The following VAT1L variants were observed in gnomAD, a reference collection of about 807,000 sequenced individuals.
VAT1L encodes vesicle amine transport 1 like.
A neutral mutation model predicts 44.1 loss-of-function variants in VAT1L; 34 were observed. The observed-to-expected ratio is 0.77, with a 90% CI of 0.59 to 1.03. The LOEUF (loss-of-function observed/expected upper bound fraction) is 1.03. Among genes scored for constraint, VAT1L ranks in the 50% least tolerant of loss-of-function variants. The pLI, the probability that VAT1L is intolerant of heterozygous loss-of-function variation, is 0.00. For synonymous variants in VAT1L, 253 were observed against 202.2 expected, an observed-to-expected ratio of 1.25 and a Z score of -2.13; for missense variants, 615 against 538.8, an observed-to-expected ratio of 1.14 and a Z score of -1.40.
chr16:77,819,721 C>A (rs1269006742), intron 2 of VAT1L, among the ~76,000 whole-genome samples: 6 of 152,210 alleles, frequency 3.9e-5, no homozygotes. Context: ...TTGGTCTTCA[C>A]CCCTTCCGGG....
chr16:77,796,973 G>A (rs557751237), intron 1 of VAT1L, among the ~76,000 whole-genome samples: 1 of 152,222 alleles, frequency 6.6e-6, no homozygotes, highest in East Asian at 1.9e-4. Context: ...GGCTCTAAAA[G>A]GTGTGAGGGT....
chr16:77,803,212 A>C (rs1423874519), intron 1 of VAT1L, among the ~76,000 whole-genome samples: 1 of 152,120 alleles, frequency 6.6e-6, no homozygotes, highest in Non-Finnish European at 1.5e-5. Context: ...ATTAGACTTA[A>C]ATATTACCTA....
intron 1 of VAT1L, among the ~76,000 whole-genome samples, chr16:77,803,417 C>CTTTTTTTTTTTTTTTTTTTTTTTTTTTTT: frequency 9.5e-6 from 1 of 105,534 alleles, no homozygotes; most frequent in African/African-American, 3.7e-5. Flanking sequence ...ACTAGACATT[C>CTTTTTTTTTTTTTTTTTTTTTTTTTTTTT]TTTTTTTTTT....
intron 3 of VAT1L, among the ~76,000 whole-genome samples, chr16:77,831,907 C>T (rs62044477): frequency 1.7e-4 from 26 of 151,838 alleles, no homozygotes; most frequent in Non-Finnish European, 2.9e-4. Context: ...CTTCTGCCTC[C>T]CGGCTTCAAT....
chr16:77,891,933 A>T (rs1406855181), intron 7 of VAT1L, among the ~76,000 whole-genome samples: 1 of 152,118 alleles, frequency 6.6e-6, no homozygotes, highest in East Asian at 1.9e-4. Context: ...TTAGCCCGGC[A>T]TGGTGGCACA....
intron 7 of VAT1L, among the ~76,000 whole-genome samples, chr16:77,930,788 T>C (rs1337794777): frequency 6.6e-6 from 1 of 152,106 alleles, no homozygotes; most frequent in Non-Finnish European, 1.5e-5. Flanking sequence ...AGAACACTGT[T>C]CTCTCTCCTA....
chr16:77,907,818 A>G (rs1028438695), intron 7 of VAT1L, among the ~76,000 whole-genome samples: 4 of 152,206 alleles, frequency 2.6e-5, no homozygotes, highest in Admixed American at 6.5e-5. Flanking sequence ...GTTGTGGTCT[A>G]TCAAAAGCAA....
intron 7 of VAT1L, among the ~76,000 whole-genome samples, chr16:77,925,912 A>G (rs998853380): frequency 2.0e-5 from 3 of 152,116 alleles, no homozygotes; most frequent in African/African-American, 7.2e-5. Flanking sequence ...TGGGTCCTTG[A>G]GTGATCAATG....
In VAT1L at chr16:77,945,278, C is replaced by CTTTTTTTTTTTTTTTTT. The variant is rs56055464; in HGVS notation, c.1078-26556_1078-26555insTTTTTTTTTTTTTTTTT. Among the ~76,000 whole-genome samples the CTTTTTTTTTTTTTTTTT allele has an allele frequency of 1.9e-4, 16 of 83,062 alleles. 1 individual carries two copies. The highest frequency in any genetic ancestry group is 1.0e-3 in the South Asian group (2 of 1,908). The allele number at this position is 83,062 out of a possible 152,430, so 54.5% of individuals were successfully genotyped here. On this transcript the variant is annotated intron_variant, in intron 7 of 8. Transcript: ENST00000302536. ...GAATGGCCAATTCCAGATTGCAGAACTTTTTTTTTTTTTTTTGAGAGAGAG... is the reference window on the plus strand; with the variant it reads ...GAATGGCCAATTCCAGATTGCAGAACTTTTTTTTTTTTTTTTTTTTTTTTTTTTTTTTTGAGAGAGAG...
intron 7 of VAT1L, among the ~76,000 whole-genome samples, chr16:77,912,716 G>C (rs1222568749): frequency 6.6e-6 from 1 of 152,124 alleles, no homozygotes; most frequent in Non-Finnish European, 1.5e-5. Flanking sequence ...TATTGCCTTA[G>C]TCTGCTCAAG....
At chr16:77,880,571 T>C (rs1244891116) in intron 6 of VAT1L, among the ~76,000 whole-genome samples, 1 of 149,942 alleles carries the variant, frequency 6.7e-6, no homozygotes, top group Non-Finnish European at 1.5e-5. Flanking sequence ...CTTTTTTTTT[T>C]TCTTCGCACG....
chr16:77,932,878 G>A (rs397225), intron 7 of VAT1L, among the ~76,000 whole-genome samples: 567 of 152,302 alleles, frequency 3.7e-3, no homozygotes, highest in Admixed American at 6.1e-3. Flanking sequence ...GAGATAGCTC[G>A]CAGGAGAATG....
At chr16:77,946,123 T>G (rs1223484855) in intron 7 of VAT1L, among the ~76,000 whole-genome samples, 1 of 151,518 alleles carries the variant, frequency 6.6e-6, no homozygotes, top group Non-Finnish European at 1.5e-5. Flanking sequence ...TTTTAGACAT[T>G]ATCACATTGT....
chr16:77,843,148 G>C (rs996700303), intron 3 of VAT1L, among the ~76,000 whole-genome samples: 1 of 152,242 alleles, frequency 6.6e-6, no homozygotes, highest in Non-Finnish European at 1.5e-5. Context: ...TGAGAAAGGG[G>C]ACAGCAGGTA....
At chr16:77,812,396 A>G (rs1029654378) in intron 1 of VAT1L, among the ~76,000 whole-genome samples, 2 of 152,012 alleles carry the variant, frequency 1.3e-5, no homozygotes, top group African/African-American at 4.8e-5. Flanking sequence ...AAAACTCTTG[A>G]TTTTAGTAAC....
intron 5 of VAT1L, among the ~76,000 whole-genome samples, chr16:77,878,765 G>T (rs748677234): frequency 5.3e-5 from 8 of 152,224 alleles, no homozygotes; most frequent in Non-Finnish European, 1.2e-4. Flanking sequence ...CCAGGTCAGA[G>T]CCCCAAGCCC....
intron 7 of VAT1L, among the ~76,000 whole-genome samples, chr16:77,920,664 C>T (rs1262649871): frequency 3.3e-5 from 5 of 152,086 alleles, no homozygotes; most frequent in Admixed American, 1.3e-4. Flanking sequence ...AATTCTAATA[C>T]CATATTTTTA....
intron 8 of VAT1L, among the ~76,000 whole-genome samples, chr16:77,977,049 T>G (rs149831718): frequency 5.7e-4 from 87 of 152,302 alleles, no homozygotes; most frequent in African/African-American, 2.0e-3. Flanking sequence ...TCGGGTCCCC[T>G]GCGCTCCAGG....
At chr16:77,807,975 T>TA (rs1483007206) in intron 1 of VAT1L, among the ~76,000 whole-genome samples, 1 of 152,042 alleles carries the variant, frequency 6.6e-6, no homozygotes, top group Non-Finnish European at 1.5e-5. Context: ...TATTGTACAT[T>TA]AGCATGTGCC....
Sources: allele counts gnomAD v4.1 joint callset (sites outside exome capture counted in the v4.1 genomes callset), GRCh38; gene constraint gnomAD v4.1.1; transcripts MANE v1.5; gene names NCBI Gene and HGNC (gene_info 2026-07-23, HGNC 2026-07-21).